The following AGBL4 variants were observed in gnomAD, a reference collection of about 807,000 sequenced individuals.
AGBL4 encodes cytosolic carboxypeptidase 6.
AGBL4 carries 58 observed loss-of-function variants against 66.4 expected under a neutral mutation model. The observed-to-expected ratio is 0.87, with a 90% CI of 0.71 to 1.09. AGBL4 has a LOEUF of 1.09. Ranked by LOEUF, AGBL4 falls within the 50% of genes least tolerant of loss-of-function variation. The pLI is 0.00. For missense variants in AGBL4, 579 were observed against 631.0 expected (o/e 0.92, Z 0.88); for synonymous variants, 234 against 222.9 (o/e 1.05, Z -0.44).
intron 5 of AGBL4, among the ~76,000 whole-genome samples, chr1:48,926,880 T>C (rs1306172657): frequency 6.6e-6 from 1 of 152,104 alleles, no homozygotes; most frequent in Non-Finnish European, 1.5e-5. Flanking sequence ...GTAGCACTAG[T>C]AGTGGCAGTT....
chr1:49,660,798 C>A (rs761502523), intron 3 of AGBL4, among the ~76,000 whole-genome samples: 3 of 152,076 alleles, frequency 2.0e-5, no homozygotes, highest in African/African-American at 4.8e-5. Flanking sequence ...CATGTCCTTT[C>A]CAGGGACATG....
chr1:48,682,987 C>A (rs1295405310), intron 6 of AGBL4, among the ~76,000 whole-genome samples: 1 of 152,160 alleles, frequency 6.6e-6, no homozygotes, highest in African/African-American at 2.4e-5. Context: ...CAGGATGTCA[C>A]CTTCCCCAAG....
At chr1:49,894,282 C>A (rs1303035007) in intron 1 of AGBL4, among the ~76,000 whole-genome samples, 1 of 151,836 alleles carries the variant, frequency 6.6e-6, no homozygotes. Context: ...GCAAAGAGTA[C>A]ATTAAATACC....
At chr1:49,458,174 C>T (rs1191663202) in intron 3 of AGBL4, among the ~76,000 whole-genome samples, 1 of 151,684 alleles carries the variant, frequency 6.6e-6, no homozygotes, top group Admixed American at 6.6e-5. Context: ...TGATTGTACC[C>T]ATCAATTAGC....
intron 1 of AGBL4, among the ~76,000 whole-genome samples, chr1:49,870,075 C>T (rs1341787113): frequency 6.6e-6 from 1 of 152,016 alleles, no homozygotes; most frequent in Non-Finnish European, 1.5e-5. Flanking sequence ...ACATGTACTT[C>T]ATAAATATGT....
intron 6 of AGBL4, chr1:48,728,152 C>G (rs1647476163): frequency 1.0e-6 from 1 of 965,032 alleles, no homozygotes; most frequent in Admixed American, 2.7e-5. Context: ...CAAATACCAG[C>G]TTATGTATCT....
Position 49,249,599 on chromosome 1 carries a change from G to C in AGBL4, c.283-3735C>G, listed in dbSNP as rs558136215. On this transcript the variant is annotated intron_variant, in intron 3 of 13. Coordinates refer to ENST00000371839, the MANE Select transcript of AGBL4 (RefSeq NM_032785.4). ...TGTTGGTGAGGATGTAGAAAAAAAG[G>C]TACACTCATATATTGTTGGTGAGAA... Among the ~76,000 whole-genome samples the C allele has an allele frequency of 1.6e-4, 25 of 152,240 alleles. 2 individuals are homozygous for C. In the South Asian group the frequency reaches 5.0e-3, roughly 30 times the overall value.
chr1:49,532,830 GT>G (rs890559432), intron 3 of AGBL4, among the ~76,000 whole-genome samples: 2 of 151,022 alleles, frequency 1.3e-5, no homozygotes, highest in Admixed American at 6.6e-5. Context: ...TTTAAAATCT[GT>G]TTTTATTTTG....
At chr1:48,725,144 A>G (rs1370369490) in intron 6 of AGBL4, among the ~76,000 whole-genome samples, 1 of 152,200 alleles carries the variant, frequency 6.6e-6, no homozygotes, top group Non-Finnish European at 1.5e-5. Flanking sequence ...ATCCTCAGGC[A>G]CATTAGAAAG....
rs1334516996 is a variant in AGBL4 at position 49,948,560 on chromosome 1, T to TAA, written c.34+75201_34+75202dup. On this transcript the variant is annotated intron_variant, in intron 1 of 13. Coordinates refer to ENST00000371839, the MANE Select transcript of AGBL4 (RefSeq NM_032785.4). ...AAATATATAAATATATATAAATATATAAAAATATATATATATATATATAGA... is the reference window on the plus strand; with the variant it reads ...AAATATATAAATATATATAAATATATAAAAAAATATATATATATATATATAGA... Among the ~76,000 whole-genome samples the TAA allele has an allele frequency of 7.0e-4, 71 of 100,818 alleles. 1 individual carries two copies. The highest frequency in any genetic ancestry group is 5.1e-3 in the Middle Eastern group (1 of 196). 66.1% of individuals were successfully genotyped at this position (100,818 alleles called of 152,430 possible).
At chr1:48,985,129 A>G (rs1175759217) in intron 5 of AGBL4, among the ~76,000 whole-genome samples, 4 of 152,170 alleles carry the variant, frequency 2.6e-5, no homozygotes, top group Admixed American at 2.0e-4. Context: ...ATTGGACATA[A>G]GACAATGAAG....
Position 48,714,182 on chromosome 1 carries a change from C to T in AGBL4, c.635-50941G>A, listed in dbSNP as rs965559972. 8.5e-5 allele frequency among the ~76,000 whole-genome samples: 13 copies of T among 152,176 alleles called. 1 individual carries two copies. The highest frequency in any genetic ancestry group is 2.9e-4 in the African/African-American group (12 of 41,436). ...TTACTTTGAGAGACAATCCTGCCAA[C>T]TGTATTTCTAGGGCTCAATGGGGGC... On this transcript the variant is annotated intron_variant, in intron 6 of 13. Transcript: ENST00000371839.
chr1:49,465,330 T>C (rs1332339055), intron 3 of AGBL4, among the ~76,000 whole-genome samples: 1 of 151,466 alleles, frequency 6.6e-6, no homozygotes. Flanking sequence ...CTATACTTTC[T>C]ATACTAACAG....
intron 6 of AGBL4, among the ~76,000 whole-genome samples, chr1:48,864,800 G>A (rs532644151): frequency 1.4e-4 from 21 of 152,176 alleles, no homozygotes; most frequent in African/African-American, 4.6e-4. Context: ...TTAGGAAGGA[G>A]TATAGAATAG....
chr1:49,758,990 C>G (rs938670683), intron 2 of AGBL4, among the ~76,000 whole-genome samples: 3 of 152,100 alleles, frequency 2.0e-5, no homozygotes, highest in Admixed American at 1.3e-4. Context: ...GTGATTGGAT[C>G]ATGGGGGCAG....
At chr1:49,606,751 A>C (rs1037839174) in intron 3 of AGBL4, among the ~76,000 whole-genome samples, 1 of 152,130 alleles carries the variant, frequency 6.6e-6, no homozygotes, top group Non-Finnish European at 1.5e-5. Flanking sequence ...GGAAGTAAGA[A>C]TATGAATCAG....
At chr1:49,876,194 G>C (rs1034756855) in intron 1 of AGBL4, among the ~76,000 whole-genome samples, 2 of 141,604 alleles carry the variant, frequency 1.4e-5, no homozygotes, top group African/African-American at 5.3e-5. Context: ...GGCTTTGGTT[G>C]CCATTGCTTT....
At chr1:49,244,296 T>A (rs1402967627) in intron 4 of AGBL4, among the ~76,000 whole-genome samples, 2 of 151,928 alleles carry the variant, frequency 1.3e-5, no homozygotes. Context: ...TCTATATATA[T>A]GCCTATTAAC....
intron 5 of AGBL4, among the ~76,000 whole-genome samples, chr1:49,019,500 A>C (rs12025201): frequency 0.045 from 6,848 of 152,316 alleles, 183 homozygotes; most frequent in East Asian, 0.074. Flanking sequence ...AAATAAATTA[A>C]CTGGAGCCAA....
Sources: gnomAD v4.1 joint callset for allele counts (sites outside exome capture counted in the v4.1 genomes callset) on GRCh38, gnomAD v4.1.1 for gene constraint, MANE v1.5 for transcripts, NCBI Gene and HGNC (gene_info 2026-07-23, HGNC 2026-07-21) for gene names.